The following APOL2 variants were observed in gnomAD, a reference collection of about 807,000 sequenced individuals.
APOL2 encodes apolipoprotein L2.
In APOL2, 8 loss-of-function variants were observed where a neutral mutation model predicts 7.1. That is an observed-to-expected ratio of 1.12 (90% CI 0.66 to 2.03). The LOEUF (loss-of-function observed/expected upper bound fraction) is 2.03. APOL2 is among the 30% of genes most tolerant of loss of function. The probability of loss-of-function intolerance (pLI) is 0.00; values close to 1 mark genes in which losing one functional copy is unlikely to be tolerated. For missense variants in APOL2, 471 were observed against 415.1 expected, an observed-to-expected ratio of 1.13 and a Z score of -1.17; for synonymous variants, 177 against 159.9, an observed-to-expected ratio of 1.11 and a Z score of -0.81.
intron 2 of APOL2, 22 bp downstream of exon 2, chr22:36,233,380 G>T: frequency 6.4e-7 from 1 of 1,555,404 alleles, no homozygotes. Context: ...GGCCCTGCCA[G>T]CTAGTATTTA....
Position 36,228,005 on chromosome 22 carries a change from G to C in APOL2, c.413C>G (p.Ala138Gly). The change falls in exon 5 of 5, where the codon GCA becomes GGA. Residue 138 changes from alanine to glycine, a missense_variant. Transcript: ENST00000358502. ...AAAACTGATTCCTTCTGTGAAGGGTGCCAGACCCAGGCCGAGGAGGGTCAG... is the reference window on the plus strand; with the variant it reads ...AAAACTGATTCCTTCTGTGAAGGGTCCCAGACCCAGGCCGAGGAGGGTCAG... ...GILTLLGLGLAPFTEGISFVL... is the reference protein window; with the variant it reads ...GILTLLGLGLGPFTEGISFVL... 1 of 1,614,214 alleles carries C rather than the reference G, an allele frequency of 6.2e-7. No individual in the cohort carries two copies. Among genetic ancestry groups the C allele is most frequent in the Non-Finnish European group, 8.5e-7 (1 of 1,180,036 alleles).
At position 36,233,589 on chromosome 22, in the gene APOL2, G is replaced by T. The variant is rs1603480616; in HGVS notation, c.-133-134C>A. On this transcript the variant is annotated intron_variant, in intron 1 of 4. Transcript: ENST00000358502. Reference sequence around the variant, plus strand: ...ATGACCTGGGCCTGGGAACATGTATGATAACTAGTTGATGATAGCCAGTGT... The same window carrying T: ...ATGACCTGGGCCTGGGAACATGTATTATAACTAGTTGATGATAGCCAGTGT... 8 of 757,774 alleles carry T rather than the reference G, an allele frequency of 1.1e-5. No homozygotes were observed. The South Asian group carries it at 1.1e-4, about 11-fold the overall frequency. 46.9% of individuals were successfully genotyped at this position (757,774 alleles called of 1,614,324 possible). A position where few individuals can be genotyped will look rare whatever the true frequency, so the allele number is the denominator to read the frequency against.
At chr22:36,232,680 G>A (rs574833364) in intron 3 of APOL2, among the ~76,000 whole-genome samples, 1 of 152,256 alleles carries the variant, frequency 6.6e-6, no homozygotes, top group South Asian at 2.1e-4. Context: ...TTCCCATAGG[G>A]CCACTCAGAA....
At position 36,228,196 on chromosome 22, in the gene APOL2, G is replaced by A. The variant is rs201164781; in HGVS notation, c.222C>T (p.Asp74=). The change falls in exon 5 of 5, where the codon GAC becomes GAT. Residue 74 remains aspartate (D), a synonymous_variant. Coordinates refer to ENST00000358502, the MANE Select transcript of APOL2 (RefSeq NM_030882.4). The part of the protein sequence containing the change: ...VMKDKNRHDK[D]QQHRQWFLKE... Reference sequence around the variant, plus strand: ...TCAAAAACCACTGCCTGTGCTGCTGGTCTTTATCGTGGCGGTTTTTGTCCT... The same window carrying A: ...TCAAAAACCACTGCCTGTGCTGCTGATCTTTATCGTGGCGGTTTTTGTCCT... 2.5e-6 allele frequency: 4 copies of A among 1,614,194 alleles called. No homozygotes were observed. Among genetic ancestry groups the A allele is most frequent in the South Asian group, 1.1e-5 (1 of 91,086 alleles).
Position 36,228,212 on chromosome 22 carries a change from T to C in APOL2, c.206A>G (p.Asn69Ser), listed in dbSNP as rs778468395. ...LASHMVMKDK[N>S]RHDKDQQHRQ... ...GTGCTGCTGGTCTTTATCGTGGCGG[T>C]TTTTGTCCTTCATGACCATGTGACT... The change falls in exon 5 of 5, where the codon AAC (asparagine) becomes AGC (serine). Residue 69 changes from asparagine (N) to serine (S), a missense_variant. By Grantham distance (46) the Asn-to-Ser change is conservative. Transcript: ENST00000358502. The C allele has an allele frequency of 1.9e-6, 3 of 1,614,144 alleles. No homozygotes were observed. The South Asian group carries it at 3.3e-5, about 18-fold the overall frequency.
In APOL2 at chr22:36,233,215, G is replaced by C. The variant is rs755907908; in HGVS notation, c.-53C>G. 5.0e-6 allele frequency: 8 copies of C among 1,614,092 alleles called. No homozygotes were observed. Among genetic ancestry groups the C allele is most frequent in the Middle Eastern group, 1.6e-4 (1 of 6,062 alleles). ...CTTTCCTTGGAGCTCTCCAGTCACTGTCCAGACTGGAAGGTTTTCCTTAAC... is the reference window on the plus strand; with the variant it reads ...CTTTCCTTGGAGCTCTCCAGTCACTCTCCAGACTGGAAGGTTTTCCTTAAC... On this transcript the variant is annotated 5_prime_UTR_variant, in exon 3 of 5. Transcript: ENST00000358502.
chr22:36,232,744 A>C (rs1299038440), intron 3 of APOL2, among the ~76,000 whole-genome samples: 1 of 151,998 alleles, frequency 6.6e-6, no homozygotes, highest in African/African-American at 2.4e-5. Flanking sequence ...CCTGTGCTGG[A>C]AAAAACCCTG....
intron 1 of APOL2, chr22:36,236,980 G>T: frequency 7.3e-7 from 1 of 1,371,676 alleles, no homozygotes; most frequent in Non-Finnish European, 9.4e-7. Flanking sequence ...CTGTCTCAAC[G>T]CCATCTCATG....
intron 1 of APOL2, among the ~76,000 whole-genome samples, 183 bp from the exon 2 acceptor site, chr22:36,233,638 T>A (rs145805583): frequency 3.9e-5 from 6 of 152,322 alleles, no homozygotes; most frequent in African/African-American, 1.4e-4. Flanking sequence ...GTGATGTGCA[T>A]GGCCTCTGAC....
chr22:36,239,145 G>C, intron 1 of APOL2: 3 of 1,213,750 alleles, frequency 2.5e-6, no homozygotes, highest in Non-Finnish European at 3.1e-6. Context: ...CCTTTCTTCT[G>C]GGGTCAGCTG....
intron 4 of APOL2, among the ~76,000 whole-genome samples, chr22:36,229,037 G>C (rs961335544): frequency 6.6e-6 from 1 of 152,148 alleles, no homozygotes; most frequent in Admixed American, 6.5e-5. Context: ...ACTAGGCGCC[G>C]ACCTTGGCCT....
At chr22:36,231,923 C>A (rs1296692790) in intron 3 of APOL2, among the ~76,000 whole-genome samples, 1 of 152,246 alleles carries the variant, frequency 6.6e-6, no homozygotes, top group Non-Finnish European at 1.5e-5. Flanking sequence ...AGTCCACCTG[C>A]ACTTCCATCC....
chr22:36,227,356 C>T lies in APOL2; in HGVS notation c.*48G>A, dbSNP rs2015038122. On this transcript the variant is annotated 3_prime_UTR_variant, in exon 5 of 5. Coordinates refer to ENST00000358502, the MANE Select transcript of APOL2 (RefSeq NM_030882.4). ...AAAAAAAAAAAGTCTGCATTTTGTCCTGGCCTGTGCCCGGCATTTCTGCCC... is the reference window on the plus strand; with the variant it reads ...AAAAAAAAAAAGTCTGCATTTTGTCTTGGCCTGTGCCCGGCATTTCTGCCC... 3.5e-6 allele frequency: 5 copies of T among 1,415,160 alleles called. No individual in the cohort carries two copies. Among genetic ancestry groups the T allele is most frequent in the Admixed American group, 4.5e-5 (2 of 44,278 alleles). The allele number at this position is 1,415,160 out of a possible 1,614,324, so 87.7% of individuals were successfully genotyped here.
Position 36,233,164 on chromosome 22 carries a change from G to T in APOL2, c.-2C>A. On this transcript the variant is annotated 5_prime_UTR_variant, in exon 3 of 5. Transcript: ENST00000358502. ...GGAAGCGAGCCTACCTGGGTTCATG[G>T]TGCCAGCGGCTGGGTTACCGAGGGG... 1.9e-6 allele frequency: 3 copies of T among 1,614,122 alleles called. No individual in the cohort carries two copies. The highest frequency in any genetic ancestry group is 1.7e-6 in the Non-Finnish European group (2 of 1,180,008).
intron 3 of APOL2, among the ~76,000 whole-genome samples, chr22:36,232,878 T>C (rs1396702472): frequency 1.3e-5 from 2 of 149,690 alleles, no homozygotes; most frequent in African/African-American, 2.5e-5. Context: ...TTCCACTTCC[T>C]CATGGCTGTC....
Position 36,227,888 on chromosome 22 carries a change from G to C in APOL2, c.530C>G (p.Ala177Gly), listed in dbSNP as rs2146968233. 6.2e-7 allele frequency: 1 copy of C among 1,614,184 alleles called. No homozygotes were observed. The highest frequency in any genetic ancestry group is 2.2e-5 in the East Asian group (1 of 44,888). ...GTCCAAGTTGCGGGCTTGGGCTCGTGCCCGCAATTTGTTTACTAGTTCTAC... is the reference window on the plus strand; with the variant it reads ...GTCCAAGTTGCGGGCTTGGGCTCGTCCCCGCAATTTGTTTACTAGTTCTAC... The part of the protein sequence containing the change: ...SVVELVNKLR[A>G]RAQARNLDQS... The change falls in exon 5 of 5, where the codon GCA becomes GGA. Residue 177 changes from alanine (A) to glycine (G), a missense_variant. Physicochemically the swap from Ala to Gly is moderately conservative, Grantham distance 60 (BLOSUM62 0). Coordinates refer to ENST00000358502, the MANE Select transcript of APOL2 (RefSeq NM_030882.4).
Position 36,227,924 on chromosome 22 carries a change from G to T in APOL2, c.494C>A (p.Thr165Asn), listed in dbSNP as rs562663691. 1.9e-6 allele frequency: 3 copies of T among 1,614,208 alleles called. No individual in the cohort carries two copies. Among genetic ancestry groups the T allele is most frequent in the Non-Finnish European group, 2.5e-6 (3 of 1,180,040 alleles). Reference protein sequence around the residue: ...LGAAAAVAGITCSVVELVNKL... With the variant: ...LGAAAAVAGINCSVVELVNKL... ...GTTTACTAGTTCTACCACACTGCAGGTAATCCCAGCCACAGCAGCTGCTGC... is the reference window on the plus strand; with the variant it reads ...GTTTACTAGTTCTACCACACTGCAGTTAATCCCAGCCACAGCAGCTGCTGC... The change falls in exon 5 of 5, where the codon ACC becomes AAC. Residue 165 changes from threonine to asparagine, a missense_variant. Physicochemically the swap from Thr to Asn is moderately conservative, Grantham distance 65 (BLOSUM62 0). Coordinates refer to ENST00000358502, the MANE Select transcript of APOL2 (RefSeq NM_030882.4).
Position 36,231,419 on chromosome 22 carries a change from C to G in APOL2, c.58G>C (p.Val20Leu), listed in dbSNP as rs1182660968. 2 of 1,614,160 alleles carry G rather than the reference C, an allele frequency of 1.2e-6. No individual in the cohort carries two copies. The highest frequency in any genetic ancestry group is 1.7e-6 in the Non-Finnish European group (2 of 1,179,942). ...AGTTGTAGCAGATTCTCTCTGCTCA[C>G]TTGGTCCTGGAAATACTTAAGGTAA... is the stretch of plus-strand genomic sequence containing the variant. Reference protein sequence around the residue: ...EDYLKYFQDQVSRENLLQLLT... With the variant: ...EDYLKYFQDQLSRENLLQLLT... The change falls in exon 4 of 5, where the codon GTG becomes CTG. Residue 20 changes from valine to leucine, a missense_variant. By Grantham distance (32) the Val-to-Leu change is conservative. Transcript: ENST00000358502.
intron 1 of APOL2, among the ~76,000 whole-genome samples, chr22:36,238,536 A>G (rs2015490127): frequency 6.6e-6 from 1 of 152,136 alleles, no homozygotes; most frequent in Non-Finnish European, 1.5e-5. Flanking sequence ...CTGATATTGA[A>G]GCAAAAATGG....
Sources: allele counts gnomAD v4.1 joint callset (sites outside exome capture counted in the v4.1 genomes callset), GRCh38; gene constraint gnomAD v4.1.1; transcripts MANE v1.5; gene names NCBI Gene and HGNC (gene_info 2026-07-23, HGNC 2026-07-21).